Variants in CEP43 observed in about 807,000 individuals in gnomAD.
CEP43 encodes the protein centrosomal protein 43.
A neutral mutation model predicts 52.6 loss-of-function variants in CEP43; 36 were observed. The observed-to-expected ratio is 0.68, with a 90% CI of 0.52 to 0.90. CEP43 has a LOEUF of 0.90. Among genes scored for constraint, CEP43 ranks in the 40% least tolerant of loss-of-function variants. CEP43 has a pLI of 0.00. For synonymous variants in CEP43, 192 were observed against 172.4 expected, an observed-to-expected ratio of 1.11 and a Z score of -0.89; for missense variants, 506 against 472.8, an observed-to-expected ratio of 1.07 and a Z score of -0.65.
chr6:167,005,489 A>G (rs974295277), intron 5 of CEP43, among the ~76,000 whole-genome samples: 1 of 152,212 alleles, frequency 6.6e-6, no homozygotes, highest in Non-Finnish European at 1.5e-5. Flanking sequence ...AAGTGAGAGT[A>G]GGATGTCAGT....
intron 7 of CEP43, among the ~76,000 whole-genome samples, chr6:167,019,923 G>A (rs1157454308): frequency 2.6e-5 from 4 of 152,206 alleles, no homozygotes; most frequent in Non-Finnish European, 5.9e-5. Flanking sequence ...TGTCATGCCA[G>A]TTATTCTTTG....
At position 167,041,509 on chromosome 6, in the gene CEP43, G is replaced by A. The variant is rs1780694902; in HGVS notation, c.*1531G>A. ...AATCTTGTTGCAGTCCCCCAGTGTG[G>A]TTGTTATAAAATGCATTTCTTTGTA... On this transcript the variant is annotated 3_prime_UTR_variant, in exon 13 of 13. Transcript: ENST00000366847. 2.8e-6 allele frequency: 3 copies of A among 1,055,168 alleles called. No homozygotes were observed. The highest frequency in any genetic ancestry group is 3.4e-6 in the Non-Finnish European group (3 of 872,886). 65.4% of individuals were successfully genotyped at this position (1,055,168 alleles called of 1,614,324 possible). A position where few individuals can be genotyped will look rare whatever the true frequency, so the allele number is the denominator to read the frequency against.
At chr6:167,026,399 T>C (rs1356970452) in intron 9 of CEP43, 148 bp from the exon 10 acceptor site, 1 of 637,348 alleles carries the variant, frequency 1.6e-6, no homozygotes, top group Non-Finnish European at 2.8e-6. Flanking sequence ...TAAGCGTTCA[T>C]TAATCACAGT....
At chr6:167,032,134 C>T (rs1008675371) in intron 10 of CEP43, among the ~76,000 whole-genome samples, 1 of 152,222 alleles carries the variant, frequency 6.6e-6, no homozygotes, top group Admixed American at 6.5e-5. Flanking sequence ...AGGTCTGAGG[C>T]CTGAGCCTGG....
intron 12 of CEP43, chr6:167,036,718 A>G (rs1372877208): frequency 2.9e-5 from 29 of 983,586 alleles, no homozygotes; most frequent in Non-Finnish European, 3.4e-5. Flanking sequence ...TGTAAAATCT[A>G]TTTTTATAGT....
At chr6:167,032,230 C>G (rs958782984) in intron 10 of CEP43, among the ~76,000 whole-genome samples, 2 of 152,212 alleles carry the variant, frequency 1.3e-5, no homozygotes, top group African/African-American at 4.8e-5. Flanking sequence ...TATAACAAAA[C>G]AATTAGCATG....
chr6:167,010,734 T>C lies in CEP43; in HGVS notation c.439-79T>C, dbSNP rs551894978. On this transcript the variant is annotated intron_variant, in intron 5 of 12. Transcript: ENST00000366847. ...AACATTGTATAGTGTTTTTAAATGC[T>C]AAAATTCTATTGGAGTGTAATTGGT... 5.6e-4 allele frequency: 349 copies of C among 622,140 alleles called. 4 individuals carry two copies. The South Asian group carries it at 0.011, about 20-fold the overall frequency. The allele number at this position is 622,140 out of a possible 1,614,324, so 38.5% of individuals were successfully genotyped here. A position where few individuals can be genotyped will look rare whatever the true frequency, so the allele number is the denominator to read the frequency against.
At chr6:167,036,836 C>G (rs1780594572) in intron 12 of CEP43, 2 of 888,612 alleles carry the variant, frequency 2.3e-6, no homozygotes, top group Non-Finnish European at 2.7e-6. Context: ...GAGACAGAGT[C>G]TCACTCTGTT....
intron 10 of CEP43, among the ~76,000 whole-genome samples, chr6:167,030,680 C>G (rs1780448792): frequency 6.6e-6 from 1 of 152,198 alleles, no homozygotes; most frequent in African/African-American, 2.4e-5. Context: ...CTGCCTTGAC[C>G]CAAGCCTTTT....
At chr6:167,003,351 T>A in intron 3 of CEP43, 104 bp downstream of exon 3, 2 of 604,610 alleles carry the variant, frequency 3.3e-6, no homozygotes. Context: ...TGTCTTCAAT[T>A]GTTATAGGTC....
chr6:167,032,006 C>T (rs993389463), intron 10 of CEP43, among the ~76,000 whole-genome samples: 5 of 152,162 alleles, frequency 3.3e-5, no homozygotes, highest in African/African-American at 9.7e-5. Context: ...TTAAGCACAT[C>T]ATGTACCTGA....
chr6:167,002,208 C>G (rs1220166141), intron 2 of CEP43, among the ~76,000 whole-genome samples: 1 of 152,136 alleles, frequency 6.6e-6, no homozygotes, highest in East Asian at 1.9e-4. Context: ...CTCTCCCCCA[C>G]CCCAAACCTT....
Position 167,047,842 on chromosome 6 carries a change from C to T in CEP43, c.*7864C>T, listed in dbSNP as rs1169836183. 2.0e-5 allele frequency: 3 copies of T among 152,092 alleles called. No homozygotes were observed. The highest frequency in any genetic ancestry group is 2.4e-5 in the African/African-American group (1 of 41,392). The allele number at this position is 152,092 out of a possible 1,614,324, so 9.4% of individuals were successfully genotyped here. On this transcript the variant is annotated 3_prime_UTR_variant, in exon 13 of 13. Coordinates refer to ENST00000366847, the MANE Select transcript of CEP43 (RefSeq NM_007045.4). ...ATTTCTGGTCTTGACTCCACTACCA[C>T]TCAGAGGAACCTCACGGTGGATGCC...
rs369501965 is a variant in CEP43, at chr6:167,013,534, G to C, written c.546G>C (p.Lys182Asn). Residue 182 changes from lysine to asparagine, a missense_variant, in exon 7 of 13, where the codon AAG becomes AAC. Physicochemically the swap from Lys to Asn is moderately conservative, Grantham distance 94 (BLOSUM62 0). Coordinates refer to ENST00000366847, the MANE Select transcript of CEP43 (RefSeq NM_007045.4). ...SKIPRYKGQGKKKTSGQKAGD... is the reference protein window; with the variant it reads ...SKIPRYKGQGNKKTSGQKAGD... Reference sequence around the variant, plus strand: ...TACCAAGGTATAAAGGACAAGGTAAGAAGAAGACAAGCGGGCAGAAGGCTG... The same window carrying C: ...TACCAAGGTATAAAGGACAAGGTAACAAGAAGACAAGCGGGCAGAAGGCTG... 8 of 1,613,568 alleles carry C rather than the reference G, an allele frequency of 5.0e-6. No homozygotes were observed. Among genetic ancestry groups the C allele is most frequent in the Admixed American group, 3.3e-5 (2 of 59,988 alleles).
intron 2 of CEP43, among the ~76,000 whole-genome samples, chr6:167,000,838 CT>C (rs1377376507): frequency 2.6e-5 from 4 of 152,206 alleles, no homozygotes; most frequent in Admixed American, 2.6e-4. Flanking sequence ...ATTACCTTGC[CT>C]TAACGGTCAT....
rs1395710736 is a variant in CEP43 at position 167,022,609 on chromosome 6, T to G, written c.780T>G (p.Ile260Met). 1 of 1,613,746 alleles carries G rather than the reference T, an allele frequency of 6.2e-7. No individual in the cohort carries two copies. Among genetic ancestry groups the G allele is most frequent in the African/African-American group, 1.3e-5 (1 of 74,922 alleles). ...GAGATTCTTTCTTTGATGATCCCAT[T>G]CCTAAGCCAGAGAAAACTTACGGTT... ...MEGDSFFDDP[I>M]PKPEKTYGLR... The change falls in exon 8 of 13, where the codon ATT (isoleucine) becomes ATG (methionine). Residue 260 changes from isoleucine to methionine, a missense_variant. Coordinates refer to ENST00000366847, the MANE Select transcript of CEP43 (RefSeq NM_007045.4).
intron 10 of CEP43, among the ~76,000 whole-genome samples, chr6:167,031,658 T>C (rs576034767): frequency 6.6e-6 from 1 of 152,222 alleles, no homozygotes; most frequent in East Asian, 1.9e-4. Flanking sequence ...TCATGCCAGG[T>C]CTTCTTTTTG....
intron 6 of CEP43, among the ~76,000 whole-genome samples, chr6:167,011,304 A>G (rs568244378): frequency 2.0e-5 from 3 of 152,324 alleles, no homozygotes; most frequent in African/African-American, 4.8e-5. Flanking sequence ...GAGATTCAGA[A>G]TTGTAAATCA....
rs1780871365 is a variant in CEP43 at position 167,051,616 on chromosome 6, G to A, written c.*11638G>A. The A allele has an allele frequency of 6.6e-6, 1 of 152,190 alleles. No individual in the cohort carries two copies. The highest frequency in any genetic ancestry group is 1.5e-5 in the Non-Finnish European group (1 of 68,034). 9.4% of individuals were successfully genotyped at this position (152,190 alleles called of 1,614,324 possible). Reference sequence around the variant, plus strand: ...GCTTCTTATATTTTGGAACTCTGTTGTTAGGTGCATACATATTTATAATTG... The same window carrying A: ...GCTTCTTATATTTTGGAACTCTGTTATTAGGTGCATACATATTTATAATTG... On this transcript the variant is annotated 3_prime_UTR_variant, in exon 13 of 13. Transcript: ENST00000366847.
Sources: gnomAD v4.1 joint callset for allele counts (sites outside exome capture counted in the v4.1 genomes callset) on GRCh38, gnomAD v4.1.1 for gene constraint, MANE v1.5 for transcripts, NCBI Gene and HGNC (gene_info 2026-07-23, HGNC 2026-07-21) for gene names.